Variants in GLP1R observed in about 807,000 individuals in gnomAD.
GLP1R encodes the protein glucagon like peptide 1 receptor.
In GLP1R, 32 loss-of-function variants were observed where a neutral mutation model predicts 68.4. The observed-to-expected ratio is 0.47, with a 90% CI of 0.35 to 0.63. The LOEUF is 0.63. GLP1R is among the 20% of genes least tolerant of loss of function. The probability of loss-of-function intolerance (pLI) is 0.00; values close to 1 mark genes in which losing one functional copy is unlikely to be tolerated. For synonymous variants in GLP1R, 263 were observed against 244.4 expected, an observed-to-expected ratio of 1.08 and a Z score of -0.71; for missense variants, 502 against 594.9, an observed-to-expected ratio of 0.84 and a Z score of 1.62.
At chr6:39,084,193 C>T (rs572122088) in intron 12 of GLP1R, among the ~76,000 whole-genome samples, 1 of 152,312 alleles carries the variant, frequency 6.6e-6, no homozygotes, top group Admixed American at 6.5e-5. Flanking sequence ...AAACACTCTG[C>T]ACCTCAGTTT....
intron 3 of GLP1R, among the ~76,000 whole-genome samples, chr6:39,058,577 C>T (rs1768276127): frequency 6.6e-6 from 1 of 152,298 alleles, no homozygotes; most frequent in Admixed American, 6.5e-5. Context: ...TGGAGGATAA[C>T]AGGAGACAAG....
chr6:39,078,842 CTG>C (rs1768908399), intron 8 of GLP1R, 113 bp from the exon 9 acceptor site: 5 of 880,668 alleles, frequency 5.7e-6, no homozygotes, highest in Non-Finnish European at 7.5e-6. Flanking sequence ...CTCCTGGGAG[CTG>C]TGTGTGTGGC....
rs1235267461 is a variant in GLP1R, at chr6:39,049,571, A to G, written c.78+653A>G. Among the ~76,000 whole-genome samples the G allele has an allele frequency of 6.6e-6, 1 of 152,020 alleles. No homozygotes were observed. Among genetic ancestry groups the G allele is most frequent in the Non-Finnish European group, 1.5e-5 (1 of 67,994 alleles). On this transcript the variant is annotated intron_variant, in intron 1 of 12. Transcript: ENST00000373256. The surrounding 1 kb of genome is among the most constrained non-coding windows in gnomAD (Gnocchi z 4.5). ...CCAGCCTCTGTAGCAAACAGGCAGAAGGCTCAGTGCCCCCCTGGAAGCAGC... is the reference window on the plus strand; with the variant it reads ...CCAGCCTCTGTAGCAAACAGGCAGAGGGCTCAGTGCCCCCCTGGAAGCAGC...
chr6:39,085,877 C>T, intron 12 of GLP1R, 29 bp from the exon 13 acceptor site: 2 of 1,611,760 alleles, frequency 1.2e-6, no homozygotes, highest in Non-Finnish European at 1.7e-6. Context: ...TGCATGATGG[C>T]TTTCGTTTCC....
rs1562013735 is a variant in GLP1R, at chr6:39,073,786, CCCA to C, written c.823+20_823+22del. The stretch of plus-strand genomic sequence containing the variant: ...TAGGCTGGGGTAAGAACCGCCATCA[CCCA>C]CCCTGGACCTGTGGCACGGGGGTGG... On this transcript the variant is annotated intron_variant, in intron 7 of 12. Coordinates refer to ENST00000373256, the MANE Select transcript of GLP1R (RefSeq NM_002062.5). 1.2e-6 allele frequency: 2 copies of C among 1,612,320 alleles called. No individual in the cohort carries two copies. Among genetic ancestry groups the C allele is most frequent in the Non-Finnish European group, 1.7e-6 (2 of 1,178,688 alleles).
Position 39,078,983 on chromosome 6 carries a change from A to G in GLP1R, c.911A>G (p.Asn304Ser). The change falls in exon 9 of 13, where the codon AAC (asparagine) becomes AGC (serine). Residue 304 changes from asparagine to serine, a missense_variant. Transcript: ENST00000373256. ...TGCTGGACCAGGAACTCCAACATGAACTACTGGCTCATTATCCGGCTGCCC... is the reference window on the plus strand; with the variant it reads ...TGCTGGACCAGGAACTCCAACATGAGCTACTGGCTCATTATCCGGCTGCCC... ...EGCWTRNSNM[N>S]YWLIIRLPIL... 6.2e-7 allele frequency: 1 copy of G among 1,614,004 alleles called. No individual in the cohort carries two copies. The highest frequency in any genetic ancestry group is 1.1e-5 in the South Asian group (1 of 91,072).
intron 2 of GLP1R, among the ~76,000 whole-genome samples, chr6:39,057,100 C>T (rs916238849): frequency 2.6e-5 from 4 of 152,326 alleles, no homozygotes; most frequent in Admixed American, 2.6e-4. Context: ...GGTAAGCTAA[C>T]ATTTCCCTCT....
intron 5 of GLP1R, among the ~76,000 whole-genome samples, chr6:39,069,810 T>G (rs1472500566): frequency 6.6e-6 from 1 of 152,160 alleles, no homozygotes; most frequent in Non-Finnish European, 1.5e-5. Flanking sequence ...CTCCCCACTC[T>G]CGGTACCAAT....
Position 39,078,933 on chromosome 6 carries a change from G to A in GLP1R, c.885-24G>A, listed in dbSNP as rs972136134. 4 of 1,594,020 alleles carry A rather than the reference G, an allele frequency of 2.5e-6. No individual in the cohort carries two copies. The South Asian group carries it at 4.4e-5, about 18-fold the overall frequency. On this transcript the variant is annotated intron_variant, in intron 8 of 12. Transcript: ENST00000373256. ...GTCCTGTGAGTCCTGCTGGATGCAT[G>A]TGTGCATCTCTCTCCCTCCCCAGCT...
intron 12 of GLP1R, among the ~76,000 whole-genome samples, chr6:39,084,275 C>A (rs1769088258): frequency 6.6e-6 from 1 of 152,200 alleles, no homozygotes; most frequent in African/African-American, 2.4e-5. Flanking sequence ...ATGGAAAATT[C>A]TGTGCATACA....
At chr6:39,064,000 CTTTT>C in intron 3 of GLP1R, among the ~76,000 whole-genome samples, 1 of 112,048 alleles carries the variant, frequency 8.9e-6, no homozygotes, top group South Asian at 2.9e-4. Context: ...AGACTCAGTT[CTTTT>C]TTTTTTTTTT....
intron 3 of GLP1R, among the ~76,000 whole-genome samples, chr6:39,059,996 C>A (rs1445436529): frequency 6.6e-6 from 1 of 152,208 alleles, no homozygotes; most frequent in Non-Finnish European, 1.5e-5. Context: ...AACCCCGTCC[C>A]CCTGCCACTC....
In GLP1R at chr6:39,086,113, C is replaced by T; in HGVS notation, c.*40C>T. 6.3e-7 allele frequency: 1 copy of T among 1,580,884 alleles called. No homozygotes were observed. The highest frequency in any genetic ancestry group is 8.6e-7 in the Non-Finnish European group (1 of 1,157,328). Reference sequence around the variant, plus strand: ...CCCTCCCTGGGGTCCTTGCTGCAGGCCGGGTGGCCAATCCAGGTGGGAGAG... The same window carrying T: ...CCCTCCCTGGGGTCCTTGCTGCAGGTCGGGTGGCCAATCCAGGTGGGAGAG... On this transcript the variant is annotated 3_prime_UTR_variant, in exon 13 of 13. Coordinates refer to ENST00000373256, the MANE Select transcript of GLP1R (RefSeq NM_002062.5). The surrounding 1 kb of genome is among the most constrained non-coding windows in gnomAD (Gnocchi z 4.5).
Position 39,087,931 on chromosome 6 carries a change from G to A in GLP1R, c.*1858G>A, listed in dbSNP as rs1158864053. On this transcript the variant is annotated 3_prime_UTR_variant, in exon 13 of 13. Transcript: ENST00000373256. ...CTCTTCGTAAGCGTGGGCACCAGTG[G>A]GTTGATGTGGGAAACAGTGCTGGTG... 6.6e-6 allele frequency among the ~76,000 whole-genome samples: 1 copy of A among 152,172 alleles called. No individual in the cohort carries two copies. The highest frequency in any genetic ancestry group is 1.5e-5 in the Non-Finnish European group (1 of 68,040).
chr6:39,063,251 G>T (rs866129213), intron 3 of GLP1R, among the ~76,000 whole-genome samples: 3 of 152,136 alleles, frequency 2.0e-5, no homozygotes, highest in African/African-American at 4.8e-5. Context: ...GCTTTTGGGG[G>T]TATCTACAGG....
At chr6:39,063,779 A>C (rs567790261) in intron 3 of GLP1R, among the ~76,000 whole-genome samples, 180 of 152,182 alleles carry the variant, frequency 1.2e-3, no homozygotes, top group Non-Finnish European at 2.2e-3. Context: ...ACTCTGCAGT[A>C]AAGTTGTCCC....
chr6:39,063,967 C>T (rs1768428435), intron 3 of GLP1R, among the ~76,000 whole-genome samples: 1 of 126,598 alleles, frequency 7.9e-6, no homozygotes. Flanking sequence ...ACACACCCCA[C>T]ATTAATGAAG....
In GLP1R at chr6:39,090,270, G is replaced by T. The variant is rs1366123926; in HGVS notation, c.*4197G>T. ...CCGCTCTGTCAAGGAATACAGACTG[G>T]CAGGAAGCAGATAAGCATAATTGTT... On this transcript the variant is annotated 3_prime_UTR_variant, in exon 13 of 13. Transcript: ENST00000373256. Among the ~76,000 whole-genome samples, 1 of 152,204 alleles carries T rather than the reference G, an allele frequency of 6.6e-6. No homozygotes were observed. The highest frequency in any genetic ancestry group is 2.4e-5 in the African/African-American group (1 of 41,450).
chr6:39,065,415 T>C (rs1768474833), intron 3 of GLP1R, among the ~76,000 whole-genome samples: 2 of 152,212 alleles, frequency 1.3e-5, no homozygotes, highest in Admixed American at 1.3e-4. Flanking sequence ...CATGAATTCA[T>C]TAAACTGTGT....
Sources: allele counts gnomAD v4.1 joint callset (sites outside exome capture counted in the v4.1 genomes callset), GRCh38; gene constraint gnomAD v4.1.1; non-coding constraint Gnocchi (gnomAD v3.1); transcripts MANE v1.5; gene names NCBI Gene and HGNC (gene_info 2026-07-23, HGNC 2026-07-21).